HEPH: variants seen among roughly 807,000 people sequenced by gnomAD.
HEPH encodes hephaestin.
HEPH carries 69 observed loss-of-function variants against 80.8 expected under a neutral mutation model. The observed-to-expected ratio is 0.85, with a 90% CI of 0.70 to 1.04. HEPH has a LOEUF of 1.04. Ranked by LOEUF, HEPH falls within the 50% of genes least tolerant of loss-of-function variation. The probability of loss-of-function intolerance (pLI) is 0.00; values close to 1 mark genes in which losing one functional copy is unlikely to be tolerated. For missense variants in HEPH, 1,115 were observed against 891.3 expected (o/e 1.25, Z -3.20); for synonymous variants, 431 against 322.8 (o/e 1.34, Z -3.60).
intron 2 of HEPH, 115 bp downstream of exon 2, chrX:66,170,852 C>A: frequency 1.6e-6 from 1 of 617,224 alleles, no homozygotes; most frequent in Non-Finnish European, 2.6e-6. Flanking sequence ...CTCCTGATTG[C>A]TCCGAGCTGT....
chrX:66,173,589 G>A lies in HEPH; in HGVS notation c.413G>A (p.Gly138Asp). The change falls in exon 4 of 21, where the codon GGT (glycine) becomes GAT (aspartate). Residue 138 changes from glycine (G) to aspartate (D), a missense_variant and splice_region_variant. Transcript: ENST00000343002. ...HGVFYEKDSE[G>D]SLYPDGSSGP... ...TGTGCATGTACAATTTCATTTCTAG[G>A]TTCCCTATACCCAGATGGCTCCTCT... is the stretch of plus-strand genomic sequence containing the variant. 8.3e-7 allele frequency: 1 copy of A among 1,199,469 alleles called. No homozygotes were observed. Among genetic ancestry groups the A allele is most frequent in the Non-Finnish European group, 1.1e-6 (1 of 886,630 alleles).
At chrX:66,191,328 T>TA (rs1314381597) in intron 6 of HEPH, among the ~76,000 whole-genome samples, 9 of 112,068 alleles carry the variant, frequency 8.0e-5, no homozygotes, top group Non-Finnish European at 1.1e-4. Context: ...ACTGAAATTT[T>TA]AAAAAAGATG....
intron 20 of HEPH, among the ~76,000 whole-genome samples, chrX:66,264,797 A>T (rs1042059678): frequency 9.5e-6 from 1 of 105,370 alleles, no homozygotes; most frequent in African/African-American, 3.4e-5. Flanking sequence ...AAATTATTTT[A>T]TATATATATT....
intron 19 of HEPH, among the ~76,000 whole-genome samples, chrX:66,260,705 C>A (rs2091333178): frequency 8.9e-6 from 1 of 111,767 alleles, no homozygotes; most frequent in Non-Finnish European, 1.9e-5. Flanking sequence ...AAAAATAATT[C>A]TAATAGTCAC....
At chrX:66,240,387 C>A (rs2090523343) in intron 15 of HEPH, among the ~76,000 whole-genome samples, 2 of 110,206 alleles carry the variant, frequency 1.8e-5, no homozygotes, top group South Asian at 7.7e-4. Flanking sequence ...AAATGCAATT[C>A]TAATTGTATA....
intron 4 of HEPH, among the ~76,000 whole-genome samples, chrX:66,179,076 T>C (rs1268421403): frequency 3.6e-5 from 4 of 112,256 alleles, no homozygotes; most frequent in Non-Finnish European, 5.6e-5. Context: ...TTTATGGTTT[T>C]AGATCTAACA....
intron 15 of HEPH, among the ~76,000 whole-genome samples, chrX:66,249,337 A>G (rs771555499): frequency 1.5e-4 from 17 of 112,109 alleles, no homozygotes; most frequent in Non-Finnish European, 2.8e-4. Flanking sequence ...ATTAATAGTA[A>G]TATCTGTCTC....
At chrX:66,253,581 G>A (rs5918594) in intron 15 of HEPH, among the ~76,000 whole-genome samples, 68,581 of 110,763 alleles carry the variant, frequency 0.62, 18,379 homozygotes, top group East Asian at 1. Context: ...GTTAAACATA[G>A]CATTACCATA....
chrX:66,163,001 C>A, upstream of HEPH: 1 of 574,732 alleles, frequency 1.7e-6, no homozygotes, highest in Non-Finnish European at 2.6e-6. Flanking sequence ...CAAATTGCTC[C>A]CCACTCATTC....
chrX:66,234,438 G>A (rs2090278551), intron 15 of HEPH, among the ~76,000 whole-genome samples: 1 of 111,426 alleles, frequency 9.0e-6, no homozygotes, highest in Non-Finnish European at 1.9e-5. Flanking sequence ...ACCCAGTAAT[G>A]GGATTGCTGA....
intron 15 of HEPH, among the ~76,000 whole-genome samples, chrX:66,209,703 G>A (rs1018990811): frequency 8.9e-5 from 10 of 111,747 alleles, no homozygotes; most frequent in African/African-American, 2.3e-4. Flanking sequence ...GAATGATATC[G>A]GTGTTTTTGG....
At chrX:66,174,730 C>T (rs888858445) in intron 4 of HEPH, among the ~76,000 whole-genome samples, 5 of 111,417 alleles carry the variant, frequency 4.5e-5, no homozygotes, top group African/African-American at 1.3e-4. Flanking sequence ...AAGGTAGTAG[C>T]GCATTGTGGT....
Position 66,256,092 on chromosome X carries a change from C to T in HEPH, c.2671-13C>T, listed in dbSNP as rs754974680. The T allele has an allele frequency of 8.5e-7, 1 of 1,178,964 alleles. No homozygotes were observed. The highest frequency in any genetic ancestry group is 2.3e-5 in the Admixed American group (1 of 44,197). ...CATCTCTTTCTCTCTCTCCCACTTCCTCCCTTCCTCAGGACATGTATAGTG... is the reference window on the plus strand; with the variant it reads ...CATCTCTTTCTCTCTCTCCCACTTCTTCCCTTCCTCAGGACATGTATAGTG... On this transcript the variant is annotated splice_polypyrimidine_tract_variant and intron_variant, in intron 16 of 20. Transcript: ENST00000343002.
chrX:66,195,227 A>G lies in HEPH; in HGVS notation c.1499A>G (p.Asp500Gly). ...GACTATGAAGGCACTGTGTACAATG[A>G]TGGTGAGCCAACAGGGTTTCTAGTA... ...EKDYEGTVYN[D>G]GSSYPGLVAK... Residue 500 changes from aspartate to glycine, a missense_variant and splice_region_variant, in exon 9 of 21, where the codon GAT (aspartate) becomes GGT (glycine). Transcript: ENST00000343002. 8.6e-7 allele frequency: 1 copy of G among 1,167,062 alleles called. No homozygotes were observed. Among genetic ancestry groups the G allele is most frequent in the Non-Finnish European group, 1.1e-6 (1 of 873,102 alleles).
intron 15 of HEPH, among the ~76,000 whole-genome samples, chrX:66,215,903 G>C (rs764563369): frequency 4.5e-5 from 5 of 111,662 alleles, no homozygotes; most frequent in Non-Finnish European, 7.5e-5. Flanking sequence ...GGGAGGCATG[G>C]TGCAATTGAG....
At chrX:66,263,000 G>A (rs980667568) in intron 19 of HEPH, among the ~76,000 whole-genome samples, 1 of 110,958 alleles carries the variant, frequency 9.0e-6, no homozygotes, top group Non-Finnish European at 1.9e-5. Flanking sequence ...TGAGGCTTGA[G>A]TATTTGATGG....
chrX:66,241,486 A>G (rs1187219811), intron 15 of HEPH, among the ~76,000 whole-genome samples: 1 of 111,848 alleles, frequency 8.9e-6, no homozygotes, highest in African/African-American at 3.2e-5. Flanking sequence ...CAGACTTTAA[A>G]CCAACAACAA....
chrX:66,232,072 G>A (rs2090168035), intron 15 of HEPH, among the ~76,000 whole-genome samples: 1 of 108,755 alleles, frequency 9.2e-6, no homozygotes, highest in Non-Finnish European at 1.9e-5. Flanking sequence ...TTATATGCTG[G>A]ATTACATTTA....
chrX:66,265,503 AG>A (rs762374670), intron 20 of HEPH, among the ~76,000 whole-genome samples: 1 of 110,982 alleles, frequency 9.0e-6, no homozygotes, highest in Non-Finnish European at 1.9e-5. Flanking sequence ...GAAGAAACTG[AG>A]GTTTAGATGG....
Sources: gnomAD v4.1 joint callset for allele counts (sites outside exome capture counted in the v4.1 genomes callset) on GRCh38, gnomAD v4.1.1 for gene constraint, MANE v1.5 for transcripts, NCBI Gene and HGNC (gene_info 2026-07-23, HGNC 2026-07-21) for gene names.